MSRA: variants seen among roughly 807,000 people sequenced by gnomAD.
The protein encoded by MSRA is mitochondrial peptide methionine sulfoxide reductase.
A neutral mutation model predicts 31.3 loss-of-function variants in MSRA; 54 were observed. The observed-to-expected ratio is 1.73, with a 90% confidence interval of 1.39 to 2.17. MSRA has a LOEUF of 2.17. MSRA is among the 30% of genes most tolerant of loss of function. MSRA has a pLI of 0.00. For synonymous variants in MSRA, 169 were observed against 116.5 expected (o/e 1.45, Z -2.90); for missense variants, 507 against 300.9 (o/e 1.69, Z -5.07).
intron 1 of MSRA, among the ~76,000 whole-genome samples, chr8:10,136,178 C>T (rs186524170): frequency 1.3e-5 from 2 of 152,256 alleles, no homozygotes; most frequent in Non-Finnish European, 2.9e-5. Context: ...TCACGCTGGG[C>T]ACAGGGACCC....
chr8:10,293,063 G>A (rs1800332389), intron 3 of MSRA, among the ~76,000 whole-genome samples: 1 of 152,164 alleles, frequency 6.6e-6, no homozygotes, highest in Non-Finnish European at 1.5e-5. Context: ...TGAGCTCTGA[G>A]CCTTGGCTTT....
intron 5 of MSRA, chr8:10,353,480 A>ACCGGAGGC: frequency 2.5e-6 from 1 of 392,170 alleles, no homozygotes; most frequent in Non-Finnish European, 5.1e-6. Flanking sequence ...TGTATTTGGT[A>ACCGGAGGC]CCGGAGGCCC....
At chr8:10,177,556 T>G (rs772281257) in intron 1 of MSRA, among the ~76,000 whole-genome samples, 1 of 152,236 alleles carries the variant, frequency 6.6e-6, no homozygotes, top group African/African-American at 2.4e-5. Flanking sequence ...CTGATGGCTA[T>G]AGAAGTCACT....
chr8:10,210,972 G>C (rs952318342), intron 2 of MSRA, among the ~76,000 whole-genome samples: 1 of 151,718 alleles, frequency 6.6e-6, no homozygotes, highest in Admixed American at 6.6e-5. Flanking sequence ...CTAACCTCAA[G>C]AGATCCGCCC....
At chr8:10,097,910 A>C (rs1193691412) in intron 1 of MSRA, among the ~76,000 whole-genome samples, 1 of 152,156 alleles carries the variant, frequency 6.6e-6, no homozygotes, top group Non-Finnish European at 1.5e-5. Flanking sequence ...TAGTCACTGA[A>C]GTTTCTTACC....
intron 5 of MSRA, among the ~76,000 whole-genome samples, chr8:10,386,110 T>C (rs1806375988): frequency 1.3e-5 from 2 of 152,208 alleles, no homozygotes; most frequent in African/African-American, 4.8e-5. Flanking sequence ...CTGTGTGCCA[T>C]TGCCTGCTTA....
intron 1 of MSRA, among the ~76,000 whole-genome samples, chr8:10,142,340 A>G (rs771841426): frequency 9.9e-5 from 15 of 151,936 alleles, no homozygotes; most frequent in Non-Finnish European, 2.1e-4. Context: ...TTTCCAGGAG[A>G]GGAAACCAAG....
chr8:10,304,562 T>G (rs1457268091), intron 4 of MSRA, among the ~76,000 whole-genome samples: 1 of 152,212 alleles, frequency 6.6e-6, no homozygotes, highest in African/African-American at 2.4e-5. Flanking sequence ...ATGTCAAGTG[T>G]CATTTTTCCA....
intron 5 of MSRA, among the ~76,000 whole-genome samples, chr8:10,373,760 A>T (rs1347452512): frequency 6.6e-6 from 1 of 152,210 alleles, no homozygotes; most frequent in Non-Finnish European, 1.5e-5. Context: ...ACAGGTGAGA[A>T]TGGGCCAGAT....
At chr8:10,124,266 G>T (rs1801335552) in intron 1 of MSRA, among the ~76,000 whole-genome samples, 1 of 152,178 alleles carries the variant, frequency 6.6e-6, no homozygotes, top group Non-Finnish European at 1.5e-5. Flanking sequence ...TATGGTGACA[G>T]CTCCAAGAAG....
At chr8:10,385,003 GA>G (rs913669602) in intron 5 of MSRA, among the ~76,000 whole-genome samples, 2 of 150,212 alleles carry the variant, frequency 1.3e-5, no homozygotes, top group East Asian at 1.9e-4. Context: ...CCCTGTCTCC[GA>G]AAAAAAAAGG....
intron 1 of MSRA, among the ~76,000 whole-genome samples, chr8:10,132,402 A>G (rs903162858): frequency 3.9e-5 from 6 of 152,128 alleles, no homozygotes; most frequent in Non-Finnish European, 7.4e-5. Context: ...GTTACCATGG[A>G]TCTTAGGCAG....
At chr8:10,279,141 T>C (rs1044189511) in intron 3 of MSRA, among the ~76,000 whole-genome samples, 1 of 152,222 alleles carries the variant, frequency 6.6e-6, no homozygotes, top group African/African-American at 2.4e-5. Context: ...ATCTTGCGTA[T>C]CTGCTGGAGC....
intron 3 of MSRA, among the ~76,000 whole-genome samples, chr8:10,264,290 G>C (rs973422090): frequency 6.6e-6 from 1 of 152,124 alleles, no homozygotes; most frequent in Non-Finnish European, 1.5e-5. Context: ...TTAGCATGTA[G>C]CATTTAACCT....
chr8:10,315,872 T>A (rs1330385233), intron 4 of MSRA, among the ~76,000 whole-genome samples: 1 of 152,196 alleles, frequency 6.6e-6, no homozygotes, highest in Non-Finnish European at 1.5e-5. Context: ...GTAAAAAGAT[T>A]TTCTTTGGCC....
intron 5 of MSRA, among the ~76,000 whole-genome samples, chr8:10,400,245 A>T (rs1218232430): frequency 6.6e-6 from 1 of 151,872 alleles, no homozygotes; most frequent in Non-Finnish European, 1.5e-5. Flanking sequence ...AGGGGCTAAG[A>T]GTGGGAAATG....
chr8:10,213,639 T>C (rs888330182), intron 2 of MSRA, among the ~76,000 whole-genome samples: 13 of 151,988 alleles, frequency 8.6e-5, no homozygotes, highest in African/African-American at 2.9e-4. Flanking sequence ...GGTTTCACCA[T>C]GTTAGCCAGG....
At chr8:10,165,128 A>G (rs1422152566) in intron 1 of MSRA, among the ~76,000 whole-genome samples, 3 of 152,214 alleles carry the variant, frequency 2.0e-5, no homozygotes, top group Non-Finnish European at 4.4e-5. Context: ...CTCCCCAGGT[A>G]ATTCTAATGT....
intron 1 of MSRA, among the ~76,000 whole-genome samples, chr8:10,193,226 A>G (rs945113607): frequency 2.6e-5 from 4 of 152,200 alleles, no homozygotes; most frequent in East Asian, 3.9e-4. Context: ...TTCCAAAAAC[A>G]TCTGATCAGA....
Sources: allele counts gnomAD v4.1 joint callset (sites outside exome capture counted in the v4.1 genomes callset), GRCh38; gene constraint gnomAD v4.1.1; transcripts MANE v1.5; gene names NCBI Gene and HGNC (gene_info 2026-07-23, HGNC 2026-07-21).